Variants in GCNT1 observed in about 807,000 individuals in gnomAD.
The protein encoded by GCNT1 is beta-1,3-galactosyl-O-glycosyl-glycoprotein beta-1,6-N-acetylglucosaminyltransferase.
In GCNT1, 16 loss-of-function variants were observed where a neutral mutation model predicts 26.2. The ratio of observed to expected loss-of-function variants is 0.61; its 90% CI spans 0.41 to 0.93. The LOEUF (loss-of-function observed/expected upper bound fraction) is 0.93, where lower values mean the gene tolerates loss of function less well. GCNT1 is among the 40% of genes least tolerant of loss of function. The probability of loss-of-function intolerance (pLI) is 0.00; values close to 1 mark genes in which losing one functional copy is unlikely to be tolerated. For synonymous variants in GCNT1, 183 were observed against 190.8 expected, an observed-to-expected ratio of 0.96 and a Z score of 0.34; for missense variants, 477 against 526.7, an observed-to-expected ratio of 0.91 and a Z score of 0.92.
intron 2 of GCNT1, among the ~76,000 whole-genome samples, chr9:76,467,195 A>C (rs1824017330): frequency 6.6e-6 from 1 of 152,178 alleles, no homozygotes; most frequent in Admixed American, 6.5e-5. Flanking sequence ...GGCACCCGCC[A>C]CCGCGCCCAG....
At chr9:76,416,832 G>A (rs1160476678), upstream of GCNT1, among the ~76,000 whole-genome samples, 1 of 152,250 alleles carries the variant, frequency 6.6e-6, no homozygotes, top group Admixed American at 6.5e-5. Flanking sequence ...GCTGAGGCGG[G>A]TGGATCACTT....
At chr9:76,394,438 G>A in the GCNT1 span, 11 of 385,774 alleles carry the variant, frequency 2.9e-5, no homozygotes, top group East Asian at 3.7e-4. Flanking sequence ...CCGGGTGTGA[G>A]CGGGGTGGGG....
chr9:76,437,059 T>TA (rs1469274640), upstream of GCNT1, among the ~76,000 whole-genome samples: 2 of 151,818 alleles, frequency 1.3e-5, no homozygotes, highest in African/African-American at 4.8e-5. Context: ...TATACATATG[T>TA]AGCAAACCTG....
the GCNT1 span, chr9:76,394,441 G>C: frequency 2.6e-6 from 1 of 381,256 alleles, no homozygotes; most frequent in South Asian, 4.6e-5. Context: ...GGTGTGAGCG[G>C]GGTGGGGGGA....
chr9:76,504,836 C>T lies in GCNT1; in HGVS notation c.*1168C>T, dbSNP rs683969. The T allele has an allele frequency of 0.18, 76,119 of 413,208 alleles. 8,774 individuals carry two copies. The highest frequency in any genetic ancestry group is 0.42 in the African/African-American group (20,238 of 48,604). 25.6% of individuals were successfully genotyped at this position (413,208 alleles called of 1,614,324 possible). A position where few individuals can be genotyped will look rare whatever the true frequency, so the allele number is the denominator to read the frequency against. ...AGTTTCCTCCTTTCTCAACCTTCCA[C>T]GAGGAGGAAAGAAGTGTGCAGTCAT... On this transcript the variant is annotated 3_prime_UTR_variant, in exon 4 of 4. Coordinates refer to ENST00000376730, the MANE Select transcript of GCNT1 (RefSeq NM_001490.5).
At chr9:76,444,888 G>A (rs1346728252) in intron 1 of GCNT1, among the ~76,000 whole-genome samples, 1 of 152,174 alleles carries the variant, frequency 6.6e-6, no homozygotes, top group South Asian at 2.1e-4. Flanking sequence ...CTATGAAGCA[G>A]GAGTCAGTAA....
At chr9:76,440,412 A>G (rs1823469085), upstream of GCNT1, among the ~76,000 whole-genome samples, 1 of 152,192 alleles carries the variant, frequency 6.6e-6, no homozygotes, top group African/African-American at 2.4e-5. Flanking sequence ...AGGTGACATC[A>G]ATCTACATTT....
chr9:76,430,010 A>T (rs1035113490), intron 1 of GCNT1, among the ~76,000 whole-genome samples: 1 of 152,152 alleles, frequency 6.6e-6, no homozygotes, highest in Non-Finnish European at 1.5e-5. Flanking sequence ...CACCATGCCC[A>T]GCCTCAAGCC....
intron 2 of GCNT1, among the ~76,000 whole-genome samples, chr9:76,467,730 G>A (rs986643109): frequency 4.6e-5 from 7 of 151,954 alleles, no homozygotes; most frequent in African/African-American, 1.7e-4. Flanking sequence ...CAGAAAATAA[G>A]GCTGAGACCA....
chr9:76,405,269 C>T, the GCNT1 span, among the ~76,000 whole-genome samples: 1 of 140,204 alleles, frequency 7.1e-6, no homozygotes. Context: ...AGAAAGTTCC[C>T]ATATACTCCC....
the GCNT1 span, among the ~76,000 whole-genome samples, chr9:76,408,869 A>T: frequency 6.6e-6 from 1 of 152,024 alleles, no homozygotes; most frequent in Admixed American, 6.6e-5. Context: ...TGTAATTTTT[A>T]GTAGAGACGG....
In GCNT1 at chr9:76,503,528, T is replaced by C. The variant is rs751311121; in HGVS notation, c.1147T>C (p.Phe383Leu). Reference protein sequence around the residue: ...DGVHVRSVCIFGAGDLNWMLR... With the variant: ...DGVHVRSVCILGAGDLNWMLR... ...AGTCCATGTGCGCTCAGTGTGCATT[T>C]TCGGAGCTGGTGACTTGAACTGGAT... Residue 383 changes from phenylalanine to leucine, a missense_variant, in exon 4 of 4, where the codon TTC becomes CTC. Physicochemically the swap from Phe to Leu is conservative, Grantham distance 22. Coordinates refer to ENST00000376730, the MANE Select transcript of GCNT1 (RefSeq NM_001490.5). 6 of 1,614,198 alleles carry C rather than the reference T, an allele frequency of 3.7e-6. No individual in the cohort carries two copies. Among genetic ancestry groups the C allele is most frequent in the Non-Finnish European group, 5.1e-6 (6 of 1,180,036 alleles).
chr9:76,463,336 T>G (rs1823917179), intron 2 of GCNT1, among the ~76,000 whole-genome samples: 1 of 152,202 alleles, frequency 6.6e-6, no homozygotes, highest in African/African-American at 2.4e-5. Flanking sequence ...CGGCCCAGTG[T>G]GACTGCGTTG....
chr9:76,452,398 G>A (rs957217641), intron 1 of GCNT1, among the ~76,000 whole-genome samples: 2 of 152,122 alleles, frequency 1.3e-5, no homozygotes, highest in African/African-American at 4.8e-5. Context: ...ACTTAGAAAT[G>A]ATCTAGGTAC....
intron 2 of GCNT1, among the ~76,000 whole-genome samples, chr9:76,467,489 C>G (rs4526423): frequency 0.23 from 35,238 of 151,848 alleles, 4,262 homozygotes; most frequent in East Asian, 0.32. Context: ...ACCTGTGGAA[C>G]TTTTAAAAAA....
At chr9:76,469,991 G>GTA (rs1377199089) in intron 2 of GCNT1, among the ~76,000 whole-genome samples, 1 of 152,118 alleles carries the variant, frequency 6.6e-6, no homozygotes. Flanking sequence ...CCTGGTAACA[G>GTA]TAGTAGATAC....
At chr9:76,458,003 C>T (rs924496653), upstream of GCNT1, among the ~76,000 whole-genome samples, 1 of 151,974 alleles carries the variant, frequency 6.6e-6, no homozygotes, top group African/African-American at 2.4e-5. Flanking sequence ...AATCTGTGTA[C>T]TTTTTCTCTT....
intron 2 of GCNT1, among the ~76,000 whole-genome samples, chr9:76,475,346 C>A (rs1426821669): frequency 2.6e-5 from 4 of 152,138 alleles, no homozygotes; most frequent in Admixed American, 2.6e-4. Flanking sequence ...TGTGTCTTAA[C>A]ACTGAAGCCT....
intron 1 of GCNT1, among the ~76,000 whole-genome samples, chr9:76,443,380 A>G (rs1226680484): frequency 6.6e-6 from 1 of 152,204 alleles, no homozygotes; most frequent in Non-Finnish European, 1.5e-5. Context: ...CATTGTTTCT[A>G]TAGATATTAA....
Sources: allele counts gnomAD v4.1 joint callset (sites outside exome capture counted in the v4.1 genomes callset), GRCh38; gene constraint gnomAD v4.1.1; transcripts MANE v1.5; gene names NCBI Gene and HGNC (gene_info 2026-07-23, HGNC 2026-07-21).